ZNF563: variants seen among roughly 807,000 people sequenced by gnomAD.
The protein encoded by ZNF563 is zinc finger protein 563.
ZNF563 carries 39 observed loss-of-function variants against 48.5 expected under a neutral mutation model. The ratio of observed to expected loss-of-function variants is 0.80; its 90% CI spans 0.62 to 1.05. ZNF563 has a LOEUF of 1.05. Among genes scored for constraint, ZNF563 ranks in the 50% least tolerant of loss-of-function variants. ZNF563 has a pLI of 0.00. For missense variants in ZNF563, 538 were observed against 597.0 expected (o/e 0.90, Z 1.03); for synonymous variants, 168 against 187.9 (o/e 0.89, Z 0.87).
chr19:12,321,838 A>T (rs1044020458), intron 2 of ZNF563, among the ~76,000 whole-genome samples: 3 of 152,154 alleles, frequency 2.0e-5, no homozygotes, highest in African/African-American at 7.2e-5. Context: ...AGACACCAAG[A>T]TCAATCCCTC....
In ZNF563 at chr19:12,333,575, G is replaced by A. The variant is rs1417668005; in HGVS notation, c.-93C>T. On this transcript the variant is annotated 5_prime_UTR_variant, in exon 1 of 4. Transcript: ENST00000293725. ...ACAGAGGCTGCCACAGACGTTCCAGGGCGTCTCTCAGCGACTGAGGCTACA... is the reference window on the plus strand; with the variant it reads ...ACAGAGGCTGCCACAGACGTTCCAGAGCGTCTCTCAGCGACTGAGGCTACA... The A allele has an allele frequency of 1.7e-5, 27 of 1,563,026 alleles. No homozygotes were observed. Among genetic ancestry groups the A allele is most frequent in the Non-Finnish European group, 2.2e-5 (25 of 1,146,122 alleles).
chr19:12,342,322 A>G, the ZNF563 span, among the ~76,000 whole-genome samples: 1 of 152,156 alleles, frequency 6.6e-6, no homozygotes, highest in Non-Finnish European at 1.5e-5. Context: ...CTGGCCTCAG[A>G]TGTATATTTT....
chr19:12,317,654 TTG>T lies in ZNF563; in HGVS notation c.*938_*939del, dbSNP rs1207854691. On this transcript the variant is annotated 3_prime_UTR_variant, in exon 4 of 4. Transcript: ENST00000293725. The stretch of plus-strand genomic sequence containing the variant: ...CATGTGCCATCACATCCGGGTAATT[TTG>T]TACCAAATATGTCATTTTTAAAAAA... 7 of 152,242 alleles carry T rather than the reference TTG, an allele frequency of 4.6e-5. No homozygotes were observed. The highest frequency in any genetic ancestry group is 1.7e-4 in the African/African-American group (7 of 41,554). 9.4% of individuals were successfully genotyped at this position (152,242 alleles called of 1,614,324 possible).
chr19:12,333,334 G>C (rs1447384606), intron 1 of ZNF563, 146 bp downstream of exon 1: 4 of 1,133,512 alleles, frequency 3.5e-6, no homozygotes, highest in Admixed American at 2.2e-5. Context: ...GTGGCTGAGG[G>C]GACCGAGGGT....
rs949177563 is a variant in ZNF563 at position 12,319,824 on chromosome 19, C to A, written c.201G>T (p.Met67Ile). 3 of 1,609,066 alleles carry A rather than the reference C, an allele frequency of 1.9e-6. No individual in the cohort carries two copies. The African/African-American group carries it at 4.0e-5, about 22-fold the overall frequency. Residue 67 changes from methionine (M) to isoleucine (I), a missense_variant, in exon 4 of 4, where the codon ATG (methionine) becomes ATT (isoleucine). Met to Ile is a conservative substitution (Grantham distance 10, BLOSUM62 1). Coordinates refer to ENST00000293725, the MANE Select transcript of ZNF563 (RefSeq NM_145276.3). ...CTTTACTTTCACTGAATCTCTCTAC[C>A]ATATGACATCTGTAAAAAATGAGTA... Reference protein sequence around the residue: ...KNPRRNLRCHMVERFSESKDS... With the variant: ...KNPRRNLRCHIVERFSESKDS...
chr19:12,336,419 C>T (rs1237437868), upstream of ZNF563, among the ~76,000 whole-genome samples: 6 of 151,442 alleles, frequency 4.0e-5, no homozygotes, highest in Non-Finnish European at 5.9e-5. Flanking sequence ...GGTGAAACCC[C>T]GTCTCTACTA....
chr19:12,341,526 T>C, the ZNF563 span, among the ~76,000 whole-genome samples: 6 of 152,080 alleles, frequency 3.9e-5, no homozygotes, highest in African/African-American at 1.4e-4. Flanking sequence ...TGAAGAAAAA[T>C]ATTCCATGCA....
rs745532445 is a variant in ZNF563, at chr19:12,319,515, C to T, written c.510G>A (p.Glu170=). Residue 170 remains glutamate (E), a synonymous_variant, in exon 4 of 4, where the codon GAG becomes GAA. Coordinates refer to ENST00000293725, the MANE Select transcript of ZNF563 (RefSeq NM_145276.3). The part of the protein sequence containing the change: ...GRPHTGKKRY[E]CKECGKTFSS... Reference sequence around the variant, plus strand: ...TGAAGGTTTTTCCACATTCCTTACACTCATAGCGTTTCTTTCCAGTGTGAG... The same window carrying T: ...TGAAGGTTTTTCCACATTCCTTACATTCATAGCGTTTCTTTCCAGTGTGAG... 39 of 1,614,080 alleles carry T rather than the reference C, an allele frequency of 2.4e-5. No homozygotes were observed. Among genetic ancestry groups the T allele is most frequent in the Non-Finnish European group, 2.5e-5 (29 of 1,180,042 alleles).
chr19:12,344,330 T>A, the ZNF563 span, among the ~76,000 whole-genome samples: 1 of 143,054 alleles, frequency 7.0e-6, no homozygotes, highest in African/African-American at 2.6e-5. Flanking sequence ...ACCACTCCAG[T>A]CCAGCCTGGG....
At chr19:12,335,020 A>G (rs533198362), upstream of ZNF563, among the ~76,000 whole-genome samples, 39 of 152,266 alleles carry the variant, frequency 2.6e-4, no homozygotes, top group African/African-American at 7.2e-4. Context: ...AGGCGTGCGC[A>G]GGCTGCTGAG....
rs932272066 is a variant in ZNF563 at position 12,318,972 on chromosome 19, T to C, written c.1053A>G (p.Leu351=). 1.2e-6 allele frequency: 2 copies of C among 1,614,202 alleles called. No homozygotes were observed. ...ICGKGFDRPS[L]VRYHERIHTG... ...TGTGAATTCGTTCATGATATCGAAC[T>C]AAACTGGGACGATCAAAGCCTTTCC... Residue 351 remains leucine, a synonymous_variant, in exon 4 of 4, where the codon TTA becomes TTG. Transcript: ENST00000293725.
At chr19:12,338,851 T>TCAAAA in the ZNF563 span, among the ~76,000 whole-genome samples, 2,441 of 151,640 alleles carry the variant, frequency 0.016, 51 homozygotes, top group East Asian at 0.083. Context: ...AGACTCCATC[T>TCAAAA]CAAAACAAAA....
Position 12,319,312 on chromosome 19 carries a change from C to T in ZNF563, c.713G>A (p.Ser238Asn), listed in dbSNP as rs1334195211. ...CATTCTCTCATGTCTTCGATAGGAA[C>T]TGTAAAAAGGAAAGGCTTTAGAACA... is the stretch of plus-strand genomic sequence containing the variant. ...KQCSKAFPFY[S>N]SYRRHERMHT... Residue 238 changes from serine to asparagine, a missense_variant, in exon 4 of 4, where the codon AGT becomes AAT. Transcript: ENST00000293725. 5.0e-6 allele frequency: 8 copies of T among 1,613,998 alleles called. No individual in the cohort carries two copies. The highest frequency in any genetic ancestry group is 1.6e-4 in the Middle Eastern group (1 of 6,062).
chr19:12,340,572 A>G, the ZNF563 span, among the ~76,000 whole-genome samples: 7,726 of 152,168 alleles, frequency 0.051, 653 homozygotes, highest in African/African-American at 0.18. Flanking sequence ...TCAGGAGTTC[A>G]AGACCATCCT....
chr19:12,342,324 GTA>G, the ZNF563 span, among the ~76,000 whole-genome samples: 2 of 151,778 alleles, frequency 1.3e-5, no homozygotes, highest in Non-Finnish European at 2.9e-5. Flanking sequence ...GGCCTCAGAT[GTA>G]TATTTTTCAA....
At chr19:12,330,112 G>C (rs555603204) in intron 1 of ZNF563, among the ~76,000 whole-genome samples, 1 of 152,068 alleles carries the variant, frequency 6.6e-6, no homozygotes, top group Non-Finnish European at 1.5e-5. Flanking sequence ...GTAGAGACGG[G>C]CTTCCCCATG....
chr19:12,342,975 A>G, the ZNF563 span, among the ~76,000 whole-genome samples: 1 of 149,954 alleles, frequency 6.7e-6, no homozygotes, highest in Non-Finnish European at 1.5e-5. Context: ...AGGCGGGTGG[A>G]TCACGAGGTC....
At chr19:12,340,092 T>G in the ZNF563 span, among the ~76,000 whole-genome samples, 1 of 152,210 alleles carries the variant, frequency 6.6e-6, no homozygotes, top group Non-Finnish European at 1.5e-5. Flanking sequence ...CCCAGTACTT[T>G]GGGAGGCCGA....
At chr19:12,336,982 T>G (rs970506118), upstream of ZNF563, among the ~76,000 whole-genome samples, 1 of 152,208 alleles carries the variant, frequency 6.6e-6, no homozygotes, top group Non-Finnish European at 1.5e-5. Flanking sequence ...GAAACAGTCT[T>G]CTCAGATAGT....
Sources: gnomAD v4.1 joint callset for allele counts (sites outside exome capture counted in the v4.1 genomes callset) on GRCh38, gnomAD v4.1.1 for gene constraint, MANE v1.5 for transcripts, NCBI Gene and HGNC (gene_info 2026-07-23, HGNC 2026-07-21) for gene names.